The following SNRPC variants were observed in gnomAD, a reference collection of about 807,000 sequenced individuals.
SNRPC encodes small nuclear ribonucleoprotein polypeptide C, also known as U1 small nuclear ribonucleoprotein C.
Under a neutral mutation model 20.0 loss-of-function variants are expected in SNRPC, and 5 were observed. That is an observed-to-expected ratio of 0.25 (90% confidence interval 0.13 to 0.53). The LOEUF is 0.53. Ranked by LOEUF, SNRPC falls within the 20% of genes least tolerant of loss-of-function variation. The pLI is 0.96. For missense variants in SNRPC, 112 were observed against 224.1 expected, an observed-to-expected ratio of 0.50 and a Z score of 3.19; for synonymous variants, 61 against 58.7, an observed-to-expected ratio of 1.04 and a Z score of -0.18.
intron 5 of SNRPC, among the ~76,000 whole-genome samples, chr6:34,770,900 G>C (rs1764676872): frequency 1.3e-5 from 2 of 152,192 alleles, no homozygotes; most frequent in Non-Finnish European, 2.9e-5. Flanking sequence ...TATTAAAAAG[G>C]CTTTCAGCCT....
intron 5 of SNRPC, among the ~76,000 whole-genome samples, chr6:34,770,604 A>T (rs557942085): frequency 6.4e-4 from 97 of 152,376 alleles, no homozygotes; most frequent in Non-Finnish European, 4.9e-4. Context: ...TCAATTATTA[A>T]TGATAAAGAA....
intron 3 of SNRPC, among the ~76,000 whole-genome samples, chr6:34,764,838 A>G (rs984234648): frequency 6.6e-6 from 1 of 151,880 alleles, no homozygotes; most frequent in Non-Finnish European, 1.5e-5. Context: ...CCTGACCAAC[A>G]TCGAGAAACC....
rs1256725701 is a variant in SNRPC at position 34,768,767 on chromosome 6, A to G, written c.250+770A>G. On this transcript the variant is annotated intron_variant, in intron 4 of 5. Coordinates refer to ENST00000244520, the MANE Select transcript of SNRPC (RefSeq NM_003093.3). Reference sequence around the variant, plus strand: ...AGACTTTGTCTCAAAAAAAAAAAAAAAAAGAAAAGAAAAGAAGGAAAGGTA... The same window carrying G: ...AGACTTTGTCTCAAAAAAAAAAAAAGAAAGAAAAGAAAAGAAGGAAAGGTA... 9.9e-5 allele frequency among the ~76,000 whole-genome samples: 15 copies of G among 151,770 alleles called. No individual in the cohort carries two copies. In the East Asian group the frequency reaches 1.7e-3, roughly 18 times the overall value.
At chr6:34,771,592 C>T (rs901288918) in intron 5 of SNRPC, among the ~76,000 whole-genome samples, 1 of 152,098 alleles carries the variant, frequency 6.6e-6, no homozygotes, top group African/African-American at 2.4e-5. Context: ...TCTTTTCACA[C>T]TCATTTAATT....
intron 1 of SNRPC, 56 bp from the exon 2 acceptor site, chr6:34,757,856 G>A (rs767093870): frequency 6.2e-7 from 1 of 1,607,646 alleles, no homozygotes; most frequent in South Asian, 1.1e-5. Flanking sequence ...CAGCGCTTCC[G>A]TGGATGGGCA....
chr6:34,773,581 G>T lies in SNRPC; in HGVS notation c.*11G>T. The T allele has an allele frequency of 6.2e-7, 1 of 1,612,224 alleles. No homozygotes were observed. The highest frequency in any genetic ancestry group is 8.5e-7 in the Non-Finnish European group (1 of 1,179,030). On this transcript the variant is annotated 3_prime_UTR_variant, in exon 6 of 6. Transcript: ENST00000244520. This position sits in a 1 kb window ranked among gnomAD's most constrained non-coding sequence, Gnocchi z 4.1. The stretch of plus-strand genomic sequence containing the variant: ...CGACCAGACAGATAAGGATAGAGGG[G>T]AGGCCTTATTGTATCGGTTTTATAT...
chr6:34,771,668 G>T (rs1214846196), intron 5 of SNRPC, among the ~76,000 whole-genome samples: 1 of 152,144 alleles, frequency 6.6e-6, no homozygotes, highest in East Asian at 1.9e-4. Context: ...TCAGGTTTGG[G>T]AACAGATGTG....
chr6:34,772,098 A>G (rs9394248), intron 5 of SNRPC, among the ~76,000 whole-genome samples: 81,351 of 152,116 alleles, frequency 0.53, 25,648 homozygotes, highest in African/African-American at 0.88. Context: ...TAATTGAGTA[A>G]TTAGAGGGTG....
chr6:34,771,245 CT>C (rs1344060392), intron 5 of SNRPC, among the ~76,000 whole-genome samples: 1 of 150,130 alleles, frequency 6.7e-6, no homozygotes, highest in East Asian at 2.0e-4. Context: ...AGGAGAATCA[CT>C]TGAACCCAGG....
In SNRPC at chr6:34,773,788, G is replaced by T. The variant is rs974540006; in HGVS notation, c.*218G>T. The T allele has an allele frequency of 2.4e-6, 1 of 408,480 alleles. No individual in the cohort carries two copies. The highest frequency in any genetic ancestry group is 2.0e-5 in the African/African-American group (1 of 50,232). The allele number at this position is 408,480 out of a possible 1,614,324, so 25.3% of individuals were successfully genotyped here. On this transcript the variant is annotated 3_prime_UTR_variant, in exon 6 of 6. Coordinates refer to ENST00000244520, the MANE Select transcript of SNRPC (RefSeq NM_003093.3). The surrounding 1 kb of genome is among the most constrained non-coding windows in gnomAD (Gnocchi z 4.1). ...GAAAATAAAATTGTCAACTCTTTCA[G>T]TTAAAAGTGTGTTCCCTTTTTCCTC...
rs544333818 is a variant in SNRPC at position 34,772,439 on chromosome 6, A to G, written c.356-1007A>G. 2.0e-5 allele frequency among the ~76,000 whole-genome samples: 3 copies of G among 152,288 alleles called. No individual in the cohort carries two copies. The South Asian group carries it at 6.2e-4, about 32-fold the overall frequency. ...CATGGGCTTTTATGTCGTATTTAGA[A>G]GTTAGTAGTATTCTCTGTTCCTGTT... On this transcript the variant is annotated intron_variant, in intron 5 of 5. Coordinates refer to ENST00000244520, the MANE Select transcript of SNRPC (RefSeq NM_003093.3).
chr6:34,757,667 C>A, intron 1 of SNRPC, 116 bp downstream of exon 1: 1 of 1,377,704 alleles, frequency 7.3e-7, no homozygotes, highest in Non-Finnish European at 1.0e-6. Context: ...GTATCTGGGC[C>A]GGGTGGACGG....
chr6:34,759,019 C>CAAAA (rs755576537), intron 2 of SNRPC, among the ~76,000 whole-genome samples: 6 of 24,628 alleles, frequency 2.4e-4, no homozygotes, highest in East Asian at 1.3e-3. Flanking sequence ...GACTCCGTCT[C>CAAAA]AAAAAAAAAA....
intron 3 of SNRPC, among the ~76,000 whole-genome samples, chr6:34,766,519 T>C (rs1764616118): frequency 6.6e-6 from 1 of 152,228 alleles, no homozygotes; most frequent in African/African-American, 2.4e-5. Context: ...TTTTTGTTTT[T>C]GTTTTAAGGC....
In SNRPC at chr6:34,771,627, A is replaced by G. The variant is rs774429509; in HGVS notation, c.355+1232A>G. 8.1e-4 allele frequency among the ~76,000 whole-genome samples: 123 copies of G among 152,268 alleles called. 1 individual carries two copies. The highest frequency in any genetic ancestry group is 9.3e-4 in the Non-Finnish European group (63 of 68,024). On this transcript the variant is annotated intron_variant, in intron 5 of 5. Transcript: ENST00000244520. Reference sequence around the variant, plus strand: ...TGGTTTGCAGAAAAATTATATATATATAATTGGAGTAATAACTACAACTGA... The same window carrying G: ...TGGTTTGCAGAAAAATTATATATATGTAATTGGAGTAATAACTACAACTGA...
chr6:34,770,222 C>CAA (rs201046400), intron 4 of SNRPC, 69 bp from the exon 5 acceptor site: 8 of 1,160,920 alleles, frequency 6.9e-6, no homozygotes, highest in African/African-American at 3.1e-5. Flanking sequence ...AACTCCGTCT[C>CAA]AAAAAAAAAG....
chr6:34,768,930 A>G (rs1764651351), intron 4 of SNRPC, among the ~76,000 whole-genome samples: 2 of 152,148 alleles, frequency 1.3e-5, no homozygotes. Context: ...GAGGGGTCAG[A>G]CTGAAATCAC....
At chr6:34,760,020 A>G (rs1201030000) in intron 2 of SNRPC, among the ~76,000 whole-genome samples, 1 of 151,814 alleles carries the variant, frequency 6.6e-6, no homozygotes, top group African/African-American at 2.4e-5. Flanking sequence ...TTTCTAACAT[A>G]TGGTCAGATG....
intron 5 of SNRPC, among the ~76,000 whole-genome samples, chr6:34,771,156 A>G (rs755932695): frequency 1.3e-5 from 2 of 151,902 alleles, no homozygotes; most frequent in Non-Finnish European, 2.9e-5. Context: ...ATGAAACCCC[A>G]TCTCTACTTA....
Sources: gnomAD v4.1 joint callset for allele counts (sites outside exome capture counted in the v4.1 genomes callset) on GRCh38, gnomAD v4.1.1 for gene constraint, Gnocchi (gnomAD v3.1) non-coding constraint, MANE v1.5 for transcripts, NCBI Gene and HGNC (gene_info 2026-07-23, HGNC 2026-07-21) for gene names.